The following LRCH1 variants were observed in gnomAD, a reference collection of about 807,000 sequenced individuals.
LRCH1 encodes the protein leucine rich repeats and calponin homology domain containing 1.
In LRCH1, 23 loss-of-function variants were observed where a neutral mutation model predicts 94.9. The observed-to-expected ratio is 0.24, with a 90% CI of 0.17 to 0.34. LRCH1 has a LOEUF of 0.34. Among genes scored for constraint, LRCH1 ranks in the 10% least tolerant of loss-of-function variants. The pLI, the probability that LRCH1 is intolerant of heterozygous loss-of-function variation, is 1.00. For missense variants in LRCH1, 790 were observed against 945.9 expected (o/e 0.84, Z 2.16); for synonymous variants, 364 against 354.9 (o/e 1.03, Z -0.29).
At position 46,733,936 on chromosome 13, in the gene LRCH1, G is replaced by A; in HGVS notation, c.2023G>A (p.Ala675Thr). 3 of 1,601,480 alleles carry A rather than the reference G, an allele frequency of 1.9e-6. No individual in the cohort carries two copies. The highest frequency in any genetic ancestry group is 2.6e-6 in the Non-Finnish European group (3 of 1,173,394). ...GCATTTATAGCCCAAACTTAGCATG[G>A]CCAAATGCAGAAGAAATGTGGAAAA... is the stretch of plus-strand genomic sequence containing the variant. ...PSPAVPKLSM[A>T]KCRRNVENFL... Residue 675 changes from alanine (A) to threonine (T), a missense_variant, in exon 19 of 20, where the codon GCC becomes ACC. Around this residue, in one of 3 missense-constraint regions of LRCH1, gnomAD observed 460 missense variants for 508.9 expected, o/e 0.90. Transcript: ENST00000389797.
intron 9 of LRCH1, among the ~76,000 whole-genome samples, chr13:46,697,672 A>G (rs1871265813): frequency 6.6e-6 from 1 of 152,212 alleles, no homozygotes; most frequent in Non-Finnish European, 1.5e-5. Context: ...ATCTGGGAAC[A>G]TACACATCCT....
At chr13:46,713,008 G>A (rs1872149920) in intron 15 of LRCH1, among the ~76,000 whole-genome samples, 2 of 152,162 alleles carry the variant, frequency 1.3e-5, no homozygotes, top group African/African-American at 4.8e-5. Context: ...GAGTCTGGTA[G>A]GTTCTGTGTG....
rs138204601 is a variant in LRCH1, at chr13:46,598,196, A to C, written c.307+44493A>C. On this transcript the variant is annotated intron_variant, in intron 1 of 19. Coordinates refer to ENST00000389797, the MANE Select transcript of LRCH1 (RefSeq NM_001164211.2). Reference sequence around the variant, plus strand: ...TAGAGTTTAAACTCCATGGTTTCTGAGGCATTTTCTGAGTAAATTGGCATA... The same window carrying C: ...TAGAGTTTAAACTCCATGGTTTCTGCGGCATTTTCTGAGTAAATTGGCATA... Among the ~76,000 whole-genome samples the C allele has an allele frequency of 2.7e-3, 409 of 152,298 alleles. 4 individuals are homozygous for C. Among genetic ancestry groups the C allele is most frequent in the African/African-American group, 9.4e-3 (390 of 41,564 alleles).
chr13:46,561,995 G>A (rs2137901893), intron 1 of LRCH1, among the ~76,000 whole-genome samples: 1 of 152,306 alleles, frequency 6.6e-6, no homozygotes, highest in South Asian at 2.1e-4. Flanking sequence ...TCACTGGCCT[G>A]TGAGATTTGG....
At chr13:46,701,359 C>T in intron 11 of LRCH1, 152 bp downstream of exon 11, 4 of 558,440 alleles carry the variant, frequency 7.2e-6, no homozygotes, top group Non-Finnish European at 1.3e-5. Context: ...CCTGTTTTCC[C>T]AAGATGCAAA....
At chr13:46,685,795 A>C (rs760828406) in intron 4 of LRCH1, 110 bp from the exon 5 acceptor site, 25 of 759,380 alleles carry the variant, frequency 3.3e-5, no homozygotes, top group Non-Finnish European at 5.0e-5. Flanking sequence ...GATTATACTC[A>C]ATTGTATTTT....
At chr13:46,688,725 T>C (rs547763324) in intron 6 of LRCH1, among the ~76,000 whole-genome samples, 1 of 152,182 alleles carries the variant, frequency 6.6e-6, no homozygotes, top group African/African-American at 2.4e-5. Context: ...TGGATAAAAA[T>C]TTACAGAATT....
At chr13:46,624,652 G>A (rs1196609987) in intron 1 of LRCH1, among the ~76,000 whole-genome samples, 1 of 152,154 alleles carries the variant, frequency 6.6e-6, no homozygotes, top group Non-Finnish European at 1.5e-5. Context: ...TGAGATGGGG[G>A]GAAGACTGGA....
At position 46,682,370 on chromosome 13, in the gene LRCH1, T is replaced by G. The variant is rs113786892; in HGVS notation, c.685+524T>G. 8.9e-3 allele frequency among the ~76,000 whole-genome samples: 1,354 copies of G among 152,236 alleles called. 15 individuals are homozygous for G. Among genetic ancestry groups the G allele is most frequent in the African/African-American group, 0.031 (1,268 of 41,536 alleles). On this transcript the variant is annotated intron_variant, in intron 4 of 19. Coordinates refer to ENST00000389797, the MANE Select transcript of LRCH1 (RefSeq NM_001164211.2). ...GATTAGAGCTGCCCTCATGACCTCATTTTAATTAACTTAATTACCCTTTTA... is the reference window on the plus strand; with the variant it reads ...GATTAGAGCTGCCCTCATGACCTCAGTTTAATTAACTTAATTACCCTTTTA...
At chr13:46,636,335 G>C (rs1282520738) in intron 1 of LRCH1, among the ~76,000 whole-genome samples, 2 of 152,062 alleles carry the variant, frequency 1.3e-5, no homozygotes, top group African/African-American at 4.8e-5. Flanking sequence ...GTCTCCCAAA[G>C]TGCCAGGATT....
intron 18 of LRCH1, among the ~76,000 whole-genome samples, chr13:46,731,385 C>G (rs1449974957): frequency 6.6e-6 from 1 of 152,040 alleles, no homozygotes; most frequent in Non-Finnish European, 1.5e-5. Flanking sequence ...TGCCCACCAC[C>G]ACGCCTGGCT....
chr13:46,604,550 G>A (rs1382203071), intron 1 of LRCH1, among the ~76,000 whole-genome samples: 1 of 152,222 alleles, frequency 6.6e-6, no homozygotes. Context: ...TTTCTTCCCT[G>A]TGATACGGAA....
At chr13:46,572,478 A>G (rs1019503271) in intron 1 of LRCH1, among the ~76,000 whole-genome samples, 15 of 152,204 alleles carry the variant, frequency 9.9e-5, no homozygotes, top group African/African-American at 3.6e-4. Context: ...CATAGATGCC[A>G]GTTGGAGAAC....
At chr13:46,638,314 T>G (rs532805686) in intron 1 of LRCH1, among the ~76,000 whole-genome samples, 2 of 152,354 alleles carry the variant, frequency 1.3e-5, no homozygotes, top group Admixed American at 6.5e-5. Flanking sequence ...AGGGTTACTT[T>G]TTTTGGATAA....
chr13:46,656,297 T>A (rs2051368801), intron 2 of LRCH1, among the ~76,000 whole-genome samples: 2 of 152,252 alleles, frequency 1.3e-5, no homozygotes, highest in Admixed American at 6.5e-5. Flanking sequence ...CACTGACAAT[T>A]CTAAAGAAAG....
chr13:46,659,132 C>T (rs912460011), intron 2 of LRCH1, among the ~76,000 whole-genome samples: 16 of 151,984 alleles, frequency 1.1e-4, no homozygotes, highest in Non-Finnish European at 1.8e-4. Flanking sequence ...AAATTGTTCA[C>T]AATTTTTTTT....
intron 1 of LRCH1, among the ~76,000 whole-genome samples, chr13:46,639,115 AG>A (rs1871555807): frequency 6.6e-6 from 1 of 152,212 alleles, no homozygotes; most frequent in Non-Finnish European, 1.5e-5. Context: ...TTTATGGTTA[AG>A]AGTTTCAATA....
chr13:46,556,834 A>G (rs2050071516), intron 1 of LRCH1, among the ~76,000 whole-genome samples: 1 of 152,176 alleles, frequency 6.6e-6, no homozygotes, highest in Admixed American at 6.5e-5. Context: ...CATTGATTCC[A>G]CAAGAATGTA....
intron 1 of LRCH1, among the ~76,000 whole-genome samples, chr13:46,637,221 C>A (rs1302305733): frequency 6.6e-6 from 1 of 152,214 alleles, no homozygotes; most frequent in Admixed American, 6.5e-5. Context: ...CTGAATGTGA[C>A]CACTTCTTGT....
Sources: allele counts gnomAD v4.1 joint callset (sites outside exome capture counted in the v4.1 genomes callset), GRCh38; gene constraint gnomAD v4.1.1; regional missense constraint gnomAD v4.1.1; transcripts MANE v1.5; gene names NCBI Gene and HGNC (gene_info 2026-07-23, HGNC 2026-07-21).